ENPP2: variants seen among roughly 807,000 people sequenced by gnomAD.
The protein encoded by ENPP2 is ectonucleotide pyrophosphatase/phosphodiesterase 2, also known as autotaxin.
Under a neutral mutation model 120.2 loss-of-function variants are expected in ENPP2, and 51 were observed. That is an observed-to-expected ratio of 0.42 (90% CI 0.34 to 0.54). The LOEUF (loss-of-function observed/expected upper bound fraction) is 0.54, where lower values mean the gene tolerates loss of function less well. Ranked by LOEUF, ENPP2 falls within the 20% of genes least tolerant of loss-of-function variation. The pLI is 0.04. For missense variants in ENPP2, 920 were observed against 1,066.5 expected (o/e 0.86, Z 1.91); for synonymous variants, 365 against 366.4 (o/e 1.00, Z 0.04).
intron 4 of ENPP2, among the ~76,000 whole-genome samples, chr8:119,620,250 CT>C (rs977904335): frequency 1.3e-5 from 2 of 152,108 alleles, no homozygotes; most frequent in Non-Finnish European, 2.9e-5. Flanking sequence ...CCAAGGGCTT[CT>C]TTTTTTAAAA....
intron 11 of ENPP2, among the ~76,000 whole-genome samples, chr8:119,597,316 C>T (rs999232243): frequency 1.1e-4 from 17 of 152,168 alleles, no homozygotes; most frequent in African/African-American, 7.2e-5. Flanking sequence ...GCGCTCAAGT[C>T]GGCCCATCAA....
chr8:119,573,402 G>C (rs149871197), intron 19 of ENPP2, among the ~76,000 whole-genome samples: 3 of 90,956 alleles, frequency 3.3e-5, no homozygotes, highest in Non-Finnish European at 4.3e-5. Context: ...GCGAGGCTCC[G>C]TCTCTTAAAA....
chr8:119,559,817 T>TGACTTTCTCCCC (rs1470927563), intron 24 of ENPP2, among the ~76,000 whole-genome samples: 1 of 152,238 alleles, frequency 6.6e-6, no homozygotes, highest in Non-Finnish European at 1.5e-5. Flanking sequence ...CTTTTCTCCC[T>TGACTTTCTCCCC]GACTTTCTCC....
chr8:119,574,435 A>G (rs572609897), intron 19 of ENPP2, among the ~76,000 whole-genome samples: 1 of 151,700 alleles, frequency 6.6e-6, no homozygotes, highest in East Asian at 1.9e-4. Flanking sequence ...CCTGTCATGG[A>G]ATTCCAGACC....
At chr8:119,671,390 G>T (rs1476244730) in intron 1 of ENPP2, among the ~76,000 whole-genome samples, 1 of 152,186 alleles carries the variant, frequency 6.6e-6, no homozygotes, top group Non-Finnish European at 1.5e-5. Context: ...AGACTAATGG[G>T]AAGTTGTGGC....
At chr8:119,634,230 A>G (rs1354030015) in intron 2 of ENPP2, among the ~76,000 whole-genome samples, 4 of 151,510 alleles carry the variant, frequency 2.6e-5, no homozygotes, top group Non-Finnish European at 5.9e-5. Context: ...ATACATACAT[A>G]CACACAATGT....
intron 18 of ENPP2, 118 bp downstream of exon 18, chr8:119,582,300 G>T: frequency 6.8e-6 from 5 of 731,442 alleles, no homozygotes; most frequent in Non-Finnish European, 1.1e-5. Context: ...CTAGCCAGTA[G>T]CTACCATTTT....
At chr8:119,565,772 T>C (rs1471324275) in intron 22 of ENPP2, among the ~76,000 whole-genome samples, 1 of 152,334 alleles carries the variant, frequency 6.6e-6, no homozygotes, top group East Asian at 1.9e-4. Flanking sequence ...CTGGGTTCCC[T>C]GTGAAATGCT....
intron 19 of ENPP2, among the ~76,000 whole-genome samples, chr8:119,575,397 T>G (rs1293178201): frequency 1.3e-5 from 2 of 152,122 alleles, no homozygotes; most frequent in Non-Finnish European, 2.9e-5. Flanking sequence ...GAGAAGCTAA[T>G]GAGGACAGTA....
intron 1 of ENPP2, among the ~76,000 whole-genome samples, chr8:119,664,077 G>A (rs957436806): frequency 1.3e-5 from 2 of 152,110 alleles, no homozygotes; most frequent in African/African-American, 2.4e-5. Flanking sequence ...TAATGATGAC[G>A]GAGGCAGAGT....
In ENPP2 at chr8:119,601,893, G is replaced by A. The variant is rs966137910; in HGVS notation, c.834-431C>T. 5.9e-5 allele frequency among the ~76,000 whole-genome samples: 9 copies of A among 152,236 alleles called. No homozygotes were observed. In the East Asian group the frequency reaches 9.6e-4, roughly 16 times the overall value. ...ACCACTCGGTCTCAGTTTACTCATCGGTAAGATAAAGCTAACAGCAAAGAA... is the reference window on the plus strand; with the variant it reads ...ACCACTCGGTCTCAGTTTACTCATCAGTAAGATAAAGCTAACAGCAAAGAA... On this transcript the variant is annotated intron_variant, in intron 9 of 24. Coordinates refer to ENST00000075322, the MANE Select transcript of ENPP2 (RefSeq NM_001040092.3).
intron 2 of ENPP2, among the ~76,000 whole-genome samples, chr8:119,633,217 C>G (rs1236685685): frequency 2.6e-5 from 4 of 152,118 alleles, no homozygotes; most frequent in Non-Finnish European, 5.9e-5. Context: ...CTCTAAATGT[C>G]CCCCGTAAAG....
chr8:119,573,645 C>G (rs1812125881), intron 19 of ENPP2, among the ~76,000 whole-genome samples: 1 of 152,012 alleles, frequency 6.6e-6, no homozygotes, highest in Non-Finnish European at 1.5e-5. Context: ...AACCCCATCT[C>G]TACTGAAAAT....
chr8:119,669,915 TATCTCTAGC>T (rs1818191137), intron 1 of ENPP2, among the ~76,000 whole-genome samples: 1 of 152,246 alleles, frequency 6.6e-6, no homozygotes, highest in Non-Finnish European at 1.5e-5. Context: ...TGCATTTTCT[TATCTCTAGC>T]ATCCCAAATT....
At chr8:119,597,668 G>C (rs1457916583) in intron 11 of ENPP2, among the ~76,000 whole-genome samples, 4 of 152,114 alleles carry the variant, frequency 2.6e-5, no homozygotes, top group Admixed American at 2.0e-4. Flanking sequence ...AAGAGCAGCC[G>C]AACAAGGGGT....
intron 1 of ENPP2, among the ~76,000 whole-genome samples, chr8:119,667,343 C>T (rs1415560377): frequency 6.6e-6 from 1 of 152,210 alleles, no homozygotes; most frequent in East Asian, 1.9e-4. Flanking sequence ...ACAAAGAACT[C>T]ATTGCCTTGG....
chr8:119,656,531 T>C (rs1225944030), intron 1 of ENPP2, among the ~76,000 whole-genome samples: 1 of 152,224 alleles, frequency 6.6e-6, no homozygotes, highest in Non-Finnish European at 1.5e-5. Flanking sequence ...GTCCACTTAT[T>C]TAAACAGCAG....
chr8:119,628,442 A>C (rs1373536886), intron 2 of ENPP2, among the ~76,000 whole-genome samples: 1 of 152,196 alleles, frequency 6.6e-6, no homozygotes, highest in African/African-American at 2.4e-5. Flanking sequence ...ATGTACAAAA[A>C]ATGTCCATTG....
intron 4 of ENPP2, among the ~76,000 whole-genome samples, chr8:119,619,939 A>G (rs1445107838): frequency 6.6e-6 from 1 of 152,184 alleles, no homozygotes; most frequent in Non-Finnish European, 1.5e-5. Flanking sequence ...AATACAAGTT[A>G]TCAAAAAGAA....
Sources: gnomAD v4.1 joint callset for allele counts (sites outside exome capture counted in the v4.1 genomes callset) on GRCh38, gnomAD v4.1.1 for gene constraint, MANE v1.5 for transcripts, NCBI Gene and HGNC (gene_info 2026-07-23, HGNC 2026-07-21) for gene names.